Variants in ULK4 observed in about 807,000 individuals in gnomAD.
The protein encoded by ULK4 is unc-51 like kinase 4, also known as inactive serine/threonine-protein kinase ULK4.
A neutral mutation model predicts 160.6 loss-of-function variants in ULK4; 133 were observed. That is an observed-to-expected ratio of 0.83 (90% CI 0.72 to 0.96). ULK4 has a LOEUF of 0.96. Ranked by LOEUF, ULK4 falls within the 40% of genes least tolerant of loss-of-function variation. The pLI, the probability that ULK4 is intolerant of heterozygous loss-of-function variation, is 0.00. For missense variants in ULK4, 1,580 were observed against 1,499.5 expected (o/e 1.05, Z -0.89); for synonymous variants, 534 against 539.8 (o/e 0.99, Z 0.15).
intron 5 of ULK4, among the ~76,000 whole-genome samples, chr3:41,930,698 T>C (rs1699561174): frequency 1.3e-5 from 2 of 152,116 alleles, no homozygotes; most frequent in Non-Finnish European, 2.9e-5. Context: ...CAGACACTTC[T>C]CAAAATAAGA....
Position 41,398,229 on chromosome 3 carries a change from T to A in ULK4, c.3528A>T (p.Ser1176=), listed in dbSNP as rs776304515. The change falls in exon 35 of 37, where the codon TCA becomes TCT. Residue 1176 remains serine (S), a synonymous_variant. Transcript: ENST00000301831. The part of the protein sequence containing the change: ...PNEDPEIFDV[S]SKCLSILVQL... ...GAACCAGTATAGACAGGCACTTGGATGAAACATCAAAAATCTCAGGATCTT... is the reference window on the plus strand; with the variant it reads ...GAACCAGTATAGACAGGCACTTGGAAGAAACATCAAAAATCTCAGGATCTT... 4.3e-6 allele frequency: 7 copies of A among 1,611,790 alleles called. No individual in the cohort carries two copies. In the African/African-American group the frequency reaches 5.3e-5, roughly 12 times the overall value.
chr3:41,660,115 C>T (rs1248626501), intron 30 of ULK4, among the ~76,000 whole-genome samples: 1 of 152,030 alleles, frequency 6.6e-6, no homozygotes, highest in Non-Finnish European at 1.5e-5. Flanking sequence ...CATGGAGAAA[C>T]CCTGTCTCTA....
intron 17 of ULK4, among the ~76,000 whole-genome samples, chr3:41,852,676 A>G (rs938435386): frequency 6.6e-6 from 1 of 152,182 alleles, no homozygotes; most frequent in Admixed American, 6.5e-5. Flanking sequence ...TAGAAACAAC[A>G]GAGAGAATCA....
At chr3:41,430,577 C>T (rs895417015) in intron 34 of ULK4, among the ~76,000 whole-genome samples, 2 of 152,076 alleles carry the variant, frequency 1.3e-5, no homozygotes, top group African/African-American at 2.4e-5. Flanking sequence ...GTTGGAAATA[C>T]CCCCGGGTAC....
chr3:41,716,566 G>A (rs146007862), intron 23 of ULK4, among the ~76,000 whole-genome samples: 104 of 152,238 alleles, frequency 6.8e-4, no homozygotes, highest in African/African-American at 2.5e-3. Context: ...TAAAGCATCA[G>A]TAAGGGGCAA....
chr3:41,431,794 C>CTT (rs11402711), intron 34 of ULK4, among the ~76,000 whole-genome samples: 1,485 of 134,894 alleles, frequency 0.011, 42 homozygotes, highest in African/African-American at 0.033. Flanking sequence ...TTTTTCTTTT[C>CTT]TTTTTTTTTT....
chr3:41,389,217 A>T (rs1481318337), intron 35 of ULK4, among the ~76,000 whole-genome samples: 1 of 152,126 alleles, frequency 6.6e-6, no homozygotes, highest in Admixed American at 6.5e-5. Flanking sequence ...TTGTACATTG[A>T]TTTTGTATCC....
At chr3:41,592,446 C>T (rs1209789983) in intron 31 of ULK4, among the ~76,000 whole-genome samples, 8 of 152,102 alleles carry the variant, frequency 5.3e-5, no homozygotes, top group Non-Finnish European at 8.8e-5. Context: ...GGATACAAGA[C>T]TACAAATTGG....
intron 20 of ULK4, among the ~76,000 whole-genome samples, chr3:41,797,148 A>G (rs180825714): frequency 1.3e-5 from 2 of 152,252 alleles, no homozygotes; most frequent in East Asian, 3.9e-4. Flanking sequence ...ACTTATATAT[A>G]CAAGGCCATC....
intron 32 of ULK4, among the ~76,000 whole-genome samples, chr3:41,493,558 A>G (rs2084872913): frequency 8.2e-6 from 1 of 122,098 alleles, no homozygotes; most frequent in Admixed American, 8.0e-5. Flanking sequence ...AGCTACCAGA[A>G]GGCAAGAAAT....
Position 41,681,671 on chromosome 3 carries a change from T to G in ULK4, c.2834-19A>C, listed in dbSNP as rs1353394679. 1 of 1,609,628 alleles carries G rather than the reference T, an allele frequency of 6.2e-7. No homozygotes were observed. The highest frequency in any genetic ancestry group is 8.5e-7 in the Non-Finnish European group (1 of 1,178,740). On this transcript the variant is annotated intron_variant, in intron 28 of 36. Coordinates refer to ENST00000301831, the MANE Select transcript of ULK4 (RefSeq NM_017886.4). ...CACTCCACTTGAAAGAAAAAAAAAA[T>G]GCCAAGAATGTGACTCCATGGAGAC...
intron 17 of ULK4, among the ~76,000 whole-genome samples, chr3:41,844,790 TAAA>T (rs35532895): frequency 3.1e-4 from 39 of 125,054 alleles, no homozygotes; most frequent in East Asian, 4.7e-4. Context: ...GAGGTTTTTC[TAAA>T]AAAAAAAAAA....
intron 21 of ULK4, among the ~76,000 whole-genome samples, chr3:41,761,612 A>G (rs924608464): frequency 6.6e-6 from 1 of 151,930 alleles, no homozygotes; most frequent in Non-Finnish European, 1.5e-5. Flanking sequence ...CCTAAATAAC[A>G]TAAATAGATT....
intron 22 of ULK4, among the ~76,000 whole-genome samples, chr3:41,735,961 G>A (rs1446472010): frequency 1.3e-4 from 20 of 150,088 alleles, no homozygotes; most frequent in Middle Eastern, 3.4e-3. Context: ...TTGTCCTTGC[G>A]ATAGTTTGCT....
chr3:41,649,750 A>G (rs912102536), intron 30 of ULK4, among the ~76,000 whole-genome samples: 1 of 152,212 alleles, frequency 6.6e-6, no homozygotes, highest in African/African-American at 2.4e-5. Context: ...CATGGATGGC[A>G]TGTTGATGGC....
At chr3:41,802,176 A>T (rs1432337640) in intron 19 of ULK4, among the ~76,000 whole-genome samples, 2 of 152,200 alleles carry the variant, frequency 1.3e-5, no homozygotes, top group African/African-American at 2.4e-5. Flanking sequence ...ATGCAGAAAA[A>T]AATGATAATG....
intron 35 of ULK4, among the ~76,000 whole-genome samples, chr3:41,302,449 A>AG (rs2079818372): frequency 6.6e-6 from 1 of 152,196 alleles, no homozygotes; most frequent in Admixed American, 6.5e-5. Context: ...TTTAAGTGCC[A>AG]GGGGGAGAAA....
intron 31 of ULK4, among the ~76,000 whole-genome samples, chr3:41,598,746 T>C (rs1282751291): frequency 6.6e-6 from 1 of 152,160 alleles, no homozygotes; most frequent in Non-Finnish European, 1.5e-5. Flanking sequence ...ATATTGTTTT[T>C]CATGATTACT....
At chr3:41,367,251 A>C (rs1377173645) in intron 35 of ULK4, among the ~76,000 whole-genome samples, 1 of 152,204 alleles carries the variant, frequency 6.6e-6, no homozygotes, top group Non-Finnish European at 1.5e-5. Flanking sequence ...GCAATTTTTA[A>C]GATCTCGCTT....
Sources: gnomAD v4.1 joint callset for allele counts (sites outside exome capture counted in the v4.1 genomes callset) on GRCh38, gnomAD v4.1.1 for gene constraint, MANE v1.5 for transcripts, NCBI Gene and HGNC (gene_info 2026-07-23, HGNC 2026-07-21) for gene names.